The following ANKDD1A variants were observed in gnomAD, a reference collection of about 807,000 sequenced individuals.
ANKDD1A encodes ankyrin repeat and death domain containing 1A.
ANKDD1A carries 59 observed loss-of-function variants against 63.5 expected under a neutral mutation model. That is an observed-to-expected ratio of 0.93 (90% confidence interval 0.75 to 1.15). The LOEUF (loss-of-function observed/expected upper bound fraction) is 1.15, where lower values mean the gene tolerates loss of function less well. ANKDD1A is among the 50% of genes most tolerant of loss of function. The probability of loss-of-function intolerance (pLI) is 0.00; values close to 1 mark genes in which losing one functional copy is unlikely to be tolerated. For synonymous variants in ANKDD1A, 266 were observed against 263.9 expected (o/e 1.01, Z -0.08); for missense variants, 632 against 656.4 (o/e 0.96, Z 0.41).
chr15:64,928,161 G>A (rs2085061782), intron 6 of ANKDD1A, among the ~76,000 whole-genome samples: 1 of 152,186 alleles, frequency 6.6e-6, no homozygotes, highest in Non-Finnish European at 1.5e-5. Context: ...AGGTAGAGCT[G>A]GATTTGGAAG....
At chr15:64,953,872 C>CTACG (rs2085363981) in intron 14 of ANKDD1A, among the ~76,000 whole-genome samples, 4 of 126,394 alleles carry the variant, frequency 3.2e-5, no homozygotes, top group Non-Finnish European at 6.7e-5. Context: ...CCTCTTTCTT[C>CTACG]TTCATTCTTT....
Position 64,957,599 on chromosome 15 carries a change from C to CT in ANKDD1A, c.*417dup, listed in dbSNP as rs1196443168. 1 of 152,912 alleles carries CT rather than the reference C, an allele frequency of 6.5e-6. No homozygotes were observed. Among genetic ancestry groups the CT allele is most frequent in the Non-Finnish European group, 1.5e-5 (1 of 68,540 alleles). 9.5% of individuals were successfully genotyped at this position (152,912 alleles called of 1,614,324 possible). The stretch of plus-strand genomic sequence containing the variant: ...GCCATTTGCCATTGTAATTTTTATT[C>CT]TTTTTTCTCCTGATTATTTGACAAA... On this transcript the variant is annotated 3_prime_UTR_variant, in exon 15 of 15. Transcript: ENST00000319580.
intron 12 of ANKDD1A, 70 bp from the exon 13 acceptor site, chr15:64,947,334 C>G (rs1353901036): frequency 6.6e-7 from 1 of 1,520,578 alleles, no homozygotes; most frequent in African/African-American, 1.4e-5. Context: ...TCATAGGGGC[C>G]TCGGCTCGGC....
At chr15:64,943,804 G>T in intron 11 of ANKDD1A, 1 of 569,068 alleles carries the variant, frequency 1.8e-6, no homozygotes, top group Non-Finnish European at 3.1e-6. Flanking sequence ...ACCCCCCTCT[G>T]GTATAGGCCT....
At chr15:64,950,012 G>A in intron 14 of ANKDD1A, 40 bp downstream of exon 14, 1 of 1,597,758 alleles carries the variant, frequency 6.3e-7, no homozygotes, top group Non-Finnish European at 8.5e-7. Flanking sequence ...CAGGAGCTGG[G>A]TGGCCCCCAC....
intron 8 of ANKDD1A, 167 bp downstream of exon 8, chr15:64,931,752 C>T (rs1025331515): frequency 1.2e-4 from 80 of 690,372 alleles, no homozygotes; most frequent in Non-Finnish European, 3.0e-5. Flanking sequence ...TGACCTGGAG[C>T]AAGTTACTTA....
intron 6 of ANKDD1A, among the ~76,000 whole-genome samples, chr15:64,927,394 G>A (rs1166542847): frequency 6.6e-6 from 1 of 152,164 alleles, no homozygotes; most frequent in South Asian, 2.1e-4. Context: ...AAGTGTTAGG[G>A]GGTGGTAGCC....
rs1220910561 is a variant in ANKDD1A, at chr15:64,911,979, A to AGGAG, written c.34+22_34+25dup. Reference sequence around the variant, plus strand: ...GACCGACGGCCGTGAGTCTGCCTGGAGGAGGGAGGGGGGCGGGCCGAGGCC... The same window carrying AGGAG: ...GACCGACGGCCGTGAGTCTGCCTGGAGGAGGGAGGGAGGGGGGCGGGCCGAGGCC... On this transcript the variant is annotated intron_variant, in intron 1 of 14. Transcript: ENST00000319580. 3.7e-5 allele frequency: 11 copies of AGGAG among 299,542 alleles called. No homozygotes were observed. Among genetic ancestry groups the AGGAG allele is most frequent in the South Asian group, 2.9e-4 (2 of 6,886 alleles). 18.6% of individuals were successfully genotyped at this position (299,542 alleles called of 1,614,324 possible).
At chr15:64,952,865 T>TCCTC (rs1466969765) in intron 14 of ANKDD1A, among the ~76,000 whole-genome samples, 2 of 118,150 alleles carry the variant, frequency 1.7e-5, no homozygotes, top group East Asian at 3.1e-4. Flanking sequence ...TCCTTCTTCT[T>TCCTC]TTCTTCTCTT....
chr15:64,927,064 G>C (rs2085051101), intron 6 of ANKDD1A, 65 bp downstream of exon 6: 14 of 1,556,098 alleles, frequency 9.0e-6, no homozygotes, highest in Non-Finnish European at 1.2e-5. Context: ...TCCAGGCTCT[G>C]GCTCCTCACC....
chr15:64,954,007 C>T (rs2085369636), intron 14 of ANKDD1A, among the ~76,000 whole-genome samples: 1 of 97,496 alleles, frequency 1.0e-5, no homozygotes, highest in East Asian at 4.0e-4. Context: ...TTCCTTTCTT[C>T]TTCCTTCTTT....
At chr15:64,928,574 C>T (rs936891305) in intron 6 of ANKDD1A, among the ~76,000 whole-genome samples, 3 of 152,092 alleles carry the variant, frequency 2.0e-5, no homozygotes, top group Admixed American at 2.0e-4. Flanking sequence ...GAGTGGGGCA[C>T]GGTAAGTTTT....
chr15:64,947,708 G>A lies in ANKDD1A; in HGVS notation c.1351+115G>A. 4 of 1,257,420 alleles carry A rather than the reference G, an allele frequency of 3.2e-6. No individual in the cohort carries two copies. In the South Asian group the frequency reaches 5.8e-5, roughly 18 times the overall value. The allele number at this position is 1,257,420 out of a possible 1,614,324, so 77.9% of individuals were successfully genotyped here. A position where few individuals can be genotyped will look rare whatever the true frequency, so the allele number is the denominator to read the frequency against. On this transcript the variant is annotated intron_variant, in intron 13 of 14. Coordinates refer to ENST00000319580, the MANE Select transcript of ANKDD1A (RefSeq NM_182703.6). ...AAGGGCCTGTGCAACCCACAGCCTG[G>A]TCCCACACTGTCCAACACACCTGGT... is the stretch of plus-strand genomic sequence containing the variant.
chr15:64,954,849 T>C (rs2085399294), intron 14 of ANKDD1A, among the ~76,000 whole-genome samples: 1 of 21,816 alleles, frequency 4.6e-5, no homozygotes. Flanking sequence ...TCTTCTTCCT[T>C]CTTCTTCTTT....
At chr15:64,952,317 C>G (rs552996336) in intron 14 of ANKDD1A, among the ~76,000 whole-genome samples, 1 of 128,860 alleles carries the variant, frequency 7.8e-6, no homozygotes. Flanking sequence ...CGTTCTTTTT[C>G]TTTCTTCCTT....
chr15:64,932,183 C>T, intron 8 of ANKDD1A: 1 of 151,646 alleles, frequency 6.6e-6, no homozygotes, highest in Non-Finnish European at 1.5e-5. Context: ...GGCGGGATAG[C>T]CATTGCACCT....
chr15:64,916,004 A>T, intron 2 of ANKDD1A, 104 bp downstream of exon 2: 1 of 1,122,634 alleles, frequency 8.9e-7, no homozygotes, highest in East Asian at 2.7e-5. Flanking sequence ...GCACATTTGC[A>T]TGTGTAAACT....
intron 9 of ANKDD1A, among the ~76,000 whole-genome samples, chr15:64,940,123 AG>A (rs1486185195): frequency 7.2e-6 from 1 of 139,120 alleles, no homozygotes; most frequent in Admixed American, 8.0e-5. Flanking sequence ...GAGTATATAA[AG>A]GGCTCTCAAA....
At chr15:64,919,176 T>C (rs2084991184) in intron 3 of ANKDD1A, among the ~76,000 whole-genome samples, 1 of 152,120 alleles carries the variant, frequency 6.6e-6, no homozygotes, top group African/African-American at 2.4e-5. Flanking sequence ...GGTATAGGAC[T>C]GTGATGTATC....
Sources: allele counts gnomAD v4.1 joint callset (sites outside exome capture counted in the v4.1 genomes callset), GRCh38; gene constraint gnomAD v4.1.1; transcripts MANE v1.5; gene names NCBI Gene and HGNC (gene_info 2026-07-23, HGNC 2026-07-21).